Variants in ABR observed in about 807,000 individuals in gnomAD.
ABR encodes the protein ABR activator of RhoGEF and GTPase, also known as active breakpoint cluster region-related protein.
A neutral mutation model predicts 107.2 loss-of-function variants in ABR; 35 were observed. The ratio of observed to expected loss-of-function variants is 0.33; its 90% CI spans 0.25 to 0.43. ABR has a LOEUF of 0.43. Among genes scored for constraint, ABR ranks in the 20% least tolerant of loss-of-function variants. The pLI, the probability that ABR is intolerant of heterozygous loss-of-function variation, is 1.00. For missense variants in ABR, 815 were observed against 1,115.2 expected (o/e 0.73, Z 3.83); for synonymous variants, 498 against 462.0 (o/e 1.08, Z -1.00).
At chr17:1,183,809 G>A (rs1354720299), upstream of ABR, among the ~76,000 whole-genome samples, 1 of 152,126 alleles carries the variant, frequency 6.6e-6, no homozygotes, top group East Asian at 1.9e-4. Flanking sequence ...CACAGTGGGT[G>A]GGAGGGAGTG....
At chr17:1,221,059 G>C (rs1054575322) in intron 1 of ABR, among the ~76,000 whole-genome samples, 2 of 152,188 alleles carry the variant, frequency 1.3e-5, no homozygotes, top group Non-Finnish European at 2.9e-5. Context: ...CAATTGTGCC[G>C]TGTGGGGCCC....
chr17:1,086,868 G>C (rs960835487), intron 4 of ABR, among the ~76,000 whole-genome samples: 2 of 152,126 alleles, frequency 1.3e-5, no homozygotes, highest in African/African-American at 2.4e-5. Flanking sequence ...TCGCTACTTG[G>C]GAGACTGAGG....
At chr17:1,095,718 C>T (rs1356129643) in intron 3 of ABR, among the ~76,000 whole-genome samples, 1 of 152,144 alleles carries the variant, frequency 6.6e-6, no homozygotes, top group Non-Finnish European at 1.5e-5. Context: ...GGGCCTGGGC[C>T]GGTTCTCACT....
At chr17:1,108,737 C>T (rs1160820807) in intron 2 of ABR, among the ~76,000 whole-genome samples, 3 of 152,130 alleles carry the variant, frequency 2.0e-5, no homozygotes, top group Non-Finnish European at 4.4e-5. Flanking sequence ...GAGGGGGCGG[C>T]CACCACTGCC....
At chr17:1,062,502 G>T (rs2034115172) in intron 10 of ABR, among the ~76,000 whole-genome samples, 1 of 121,768 alleles carries the variant, frequency 8.2e-6, no homozygotes, top group African/African-American at 3.2e-5. Flanking sequence ...GTTGTTATGT[G>T]AACTGAGGGA....
intron 1 of ABR, among the ~76,000 whole-genome samples, chr17:1,206,727 T>C (rs553438724): frequency 3.7e-4 from 56 of 152,138 alleles, no homozygotes; most frequent in Admixed American, 2.1e-3. Flanking sequence ...TCACCAGATA[T>C]TGGGTTTCAC....
chr17:1,028,144 G>A (rs1403782569), intron 16 of ABR, among the ~76,000 whole-genome samples: 6 of 152,116 alleles, frequency 3.9e-5, no homozygotes, highest in East Asian at 1.9e-4. Context: ...AGGCTGGAGT[G>A]CAGTGGCATG....
At chr17:1,192,161 G>A (rs542235439), upstream of ABR, among the ~76,000 whole-genome samples, 441 of 150,438 alleles carry the variant, frequency 2.9e-3, 3 homozygotes, top group African/African-American at 0.01. Flanking sequence ...TTATTTTGTA[G>A]AGCCAGAGTC....
In ABR at chr17:1,200,148, T is replaced by TA. The variant is rs1045967938; in HGVS notation, c.838+28644dup. On this transcript the variant is annotated intron_variant, in intron 1 of 22. Transcript: ENST00000574139. This position sits in a 1 kb window ranked among gnomAD's most constrained non-coding sequence, Gnocchi z 4.1. ...CAAAAATATTTGGGAGGAAAACAATTAAAAAAAAACACCACAAAAATAAAA... is the reference window on the plus strand; with the variant it reads ...CAAAAATATTTGGGAGGAAAACAATTAAAAAAAAAACACCACAAAAATAAAA... 4.0e-5 allele frequency among the ~76,000 whole-genome samples: 6 copies of TA among 149,200 alleles called. No homozygotes were observed. The highest frequency in any genetic ancestry group is 7.4e-5 in the African/African-American group (3 of 40,550).
At chr17:1,023,171 T>C (rs547443849) in intron 16 of ABR, among the ~76,000 whole-genome samples, 1 of 151,888 alleles carries the variant, frequency 6.6e-6, no homozygotes, top group South Asian at 2.1e-4. Flanking sequence ...CGGCCCCACG[T>C]CCACTCCAGC....
chr17:1,161,645 C>G (rs910961283), intron 1 of ABR, among the ~76,000 whole-genome samples: 2 of 151,666 alleles, frequency 1.3e-5, no homozygotes, highest in Non-Finnish European at 2.9e-5. Context: ...ATCTCCGCCT[C>G]CAGGGTTCAA....
intron 1 of ABR, among the ~76,000 whole-genome samples, chr17:1,164,939 T>G (rs902963290): frequency 3.9e-5 from 6 of 152,194 alleles, no homozygotes; most frequent in African/African-American, 1.4e-4. Context: ...CCCAGCCATA[T>G]GGGATATACT....
At chr17:1,052,337 T>TG (rs201321202) in intron 14 of ABR, among the ~76,000 whole-genome samples, 7 of 116,190 alleles carry the variant, frequency 6.0e-5, no homozygotes, top group Admixed American at 1.0e-4. Flanking sequence ...CTCGAGGGGC[T>TG]GGGGAGGGCT....
intron 1 of ABR, among the ~76,000 whole-genome samples, chr17:1,162,705 G>C (rs556100380): frequency 1.0e-4 from 15 of 150,072 alleles, no homozygotes; most frequent in African/African-American, 1.5e-4. Flanking sequence ...GCCAAGCACA[G>C]TGGCTCACAC....
intron 1 of ABR, among the ~76,000 whole-genome samples, chr17:1,196,766 C>T (rs2042577666): frequency 6.6e-6 from 1 of 151,058 alleles, no homozygotes; most frequent in East Asian, 2.0e-4. Context: ...GCGATCCTGG[C>T]TCACCGCAAG....
intron 4 of ABR, among the ~76,000 whole-genome samples, chr17:1,089,407 A>C (rs1329474044): frequency 1.3e-5 from 2 of 152,244 alleles, no homozygotes; most frequent in Non-Finnish European, 2.9e-5. Flanking sequence ...TGTTTTTTAC[A>C]GATGAGGAAG....
At chr17:1,088,380 A>AG (rs1044094451) in intron 4 of ABR, among the ~76,000 whole-genome samples, 5 of 150,468 alleles carry the variant, frequency 3.3e-5, no homozygotes, top group Admixed American at 6.6e-5. Context: ...CGGAGGGAGC[A>AG]GGGGGGGGTA....
intron 1 of ABR, among the ~76,000 whole-genome samples, chr17:1,176,360 G>C (rs151304252): frequency 7.9e-5 from 12 of 152,336 alleles, no homozygotes; most frequent in Non-Finnish European, 1.8e-4. Flanking sequence ...GACATCCCAA[G>C]ACCTTGAATA....
chr17:1,112,247 G>A (rs976940130), intron 2 of ABR, among the ~76,000 whole-genome samples: 15 of 152,228 alleles, frequency 9.9e-5, no homozygotes, highest in Admixed American at 2.0e-4. Context: ...TCAGGCTCTC[G>A]ATCCGTCTGG....
Sources: allele counts gnomAD v4.1 joint callset (sites outside exome capture counted in the v4.1 genomes callset), GRCh38; gene constraint gnomAD v4.1.1; non-coding constraint Gnocchi (gnomAD v3.1); transcripts MANE v1.5; gene names NCBI Gene and HGNC (gene_info 2026-07-23, HGNC 2026-07-21).